The following RP1 variants were observed in gnomAD, a reference collection of about 807,000 sequenced individuals.
RP1 encodes the protein oxygen-regulated protein 1.
A neutral mutation model predicts 14.8 loss-of-function variants in RP1; 16 were observed. The observed-to-expected ratio is 1.08, with a 90% confidence interval of 0.73 to 1.65. The LOEUF is 1.65. Ranked by LOEUF, RP1 falls within the 40% of genes most tolerant of loss-of-function variation. The pLI, the probability that RP1 is intolerant of heterozygous loss-of-function variation, is 0.00. For synonymous variants in RP1, 876 were observed against 883.6 expected, an observed-to-expected ratio of 0.99 and a Z score of 0.15; for missense variants, 2,631 against 2,535.0, an observed-to-expected ratio of 1.04 and a Z score of -0.81.
intron 3 of RP1, among the ~76,000 whole-genome samples, chr8:54,638,171 CT>C (rs1176737943): frequency 6.6e-6 from 1 of 152,100 alleles, no homozygotes; most frequent in Admixed American, 6.6e-5. Context: ...CATGGGAGTT[CT>C]TTTTTGATTC....
At chr8:54,781,739 A>AT (rs1212696438) in intron 23 of RP1, among the ~76,000 whole-genome samples, 3 of 152,140 alleles carry the variant, frequency 2.0e-5, no homozygotes, top group South Asian at 2.1e-4. Context: ...TATAAAATTT[A>AT]TTTTTTTTCC....
chr8:54,759,519 C>T (rs1330396771), intron 22 of RP1, among the ~76,000 whole-genome samples: 2 of 152,144 alleles, frequency 1.3e-5, no homozygotes. Flanking sequence ...GTTGGACTTT[C>T]CTTGAGCCCC....
chr8:54,716,821 C>G (rs1808416291), intron 15 of RP1, among the ~76,000 whole-genome samples: 1 of 152,134 alleles, frequency 6.6e-6, no homozygotes, highest in Non-Finnish European at 1.5e-5. Flanking sequence ...TCTGGATGTC[C>G]CCATGTTGCT....
intron 6 of RP1, among the ~76,000 whole-genome samples, chr8:54,659,950 T>C (rs981207196): frequency 2.6e-5 from 4 of 152,150 alleles, no homozygotes; most frequent in Admixed American, 1.3e-4. Flanking sequence ...GTATTAAGTA[T>C]AGTATTTTAT....
At chr8:54,719,159 C>T (rs940366980) in intron 15 of RP1, among the ~76,000 whole-genome samples, 1 of 152,048 alleles carries the variant, frequency 6.6e-6, no homozygotes, top group African/African-American at 2.4e-5. Flanking sequence ...GCCTATGGCC[C>T]CTCTGTCTTA....
At chr8:54,573,907 G>A (rs566462240) in intron 1 of RP1, among the ~76,000 whole-genome samples, 1 of 152,292 alleles carries the variant, frequency 6.6e-6, no homozygotes, top group African/African-American at 2.4e-5. Flanking sequence ...CTAAACTCAG[G>A]AATCAAGAGG....
chr8:54,696,851 A>G (rs1807877811), intron 12 of RP1: 1 of 754,256 alleles, frequency 1.3e-6, no homozygotes, highest in African/African-American at 1.7e-5. Context: ...CCAGTAACTC[A>G]TTTTGAAATG....
intron 26 of RP1, among the ~76,000 whole-genome samples, chr8:54,855,359 C>T (rs1585750415): frequency 1.3e-5 from 2 of 152,176 alleles, no homozygotes; most frequent in African/African-American, 4.8e-5. Flanking sequence ...TTTTGTTTAT[C>T]CATTTACCCC....
rs150444249 is a variant in RP1 at position 54,659,953 on chromosome 8, T to G, written c.1171+3738T>G. On this transcript the variant is annotated intron_variant, in intron 6 of 22. Coordinates refer to the RP1 transcript ENST00000636932. ...TGCCTTGGTTTAGTATTAAGTATAG[T>G]ATTTTATTGTTTTTGGTGCTATTGT... 2.6e-3 allele frequency among the ~76,000 whole-genome samples: 394 copies of G among 152,278 alleles called. 1 individual carries two copies. The highest frequency in any genetic ancestry group is 8.9e-3 in the African/African-American group (371 of 41,570).
At chr8:54,607,816 G>T (rs1387057011) in intron 1 of RP1, among the ~76,000 whole-genome samples, 1 of 152,182 alleles carries the variant, frequency 6.6e-6, no homozygotes, top group African/African-American at 2.4e-5. Flanking sequence ...AATGAGCGAG[G>T]CTCTGTGGGC....
chr8:54,780,457 C>A (rs1181083741), intron 23 of RP1, among the ~76,000 whole-genome samples: 2 of 152,192 alleles, frequency 1.3e-5, no homozygotes, highest in African/African-American at 4.8e-5. Flanking sequence ...GGACGCAATA[C>A]CTGTAAGTCA....
At position 54,580,258 on chromosome 8, in the gene RP1, T is replaced by G. The variant is rs16920562; in HGVS notation, c.-13+20938T>G. Among the ~76,000 whole-genome samples, 928 of 149,706 alleles carry G rather than the reference T, an allele frequency of 6.2e-3. 10 individuals carry two copies. Among genetic ancestry groups the G allele is most frequent in the East Asian group, 0.037 (188 of 5,140 alleles). On this transcript the variant is annotated intron_variant, in intron 1 of 22. Transcript: ENST00000636932. ...TGGTAGCATTTATTATGTCTTTCAA[T>G]GAACTTTCCAGACAGTGGGAAGCTA... is the stretch of plus-strand genomic sequence containing the variant.
intron 22 of RP1, among the ~76,000 whole-genome samples, chr8:54,768,982 T>C (rs897047150): frequency 4.0e-5 from 6 of 151,726 alleles, no homozygotes; most frequent in African/African-American, 1.2e-4. Flanking sequence ...CTGCAAGCTC[T>C]GCCTCCCAGG....
At chr8:54,788,919 C>T (rs1810393779) in intron 24 of RP1, among the ~76,000 whole-genome samples, 1 of 152,130 alleles carries the variant, frequency 6.6e-6, no homozygotes, top group African/African-American at 2.4e-5. Context: ...GAGAAAAAGT[C>T]TCATTAAAAG....
At chr8:54,727,920 T>C (rs894546405) in intron 17 of RP1, among the ~76,000 whole-genome samples, 1 of 151,788 alleles carries the variant, frequency 6.6e-6, no homozygotes. Flanking sequence ...TTCTTCATTG[T>C]GGTTAATGGC....
intron 24 of RP1, among the ~76,000 whole-genome samples, chr8:54,829,083 G>T (rs1811459579): frequency 6.6e-6 from 1 of 151,642 alleles, no homozygotes; most frequent in Non-Finnish European, 1.5e-5. Context: ...AGTAGAGACG[G>T]GGTTTTGCCA....
intron 5 of RP1, among the ~76,000 whole-genome samples, chr8:54,653,107 G>A (rs1806689318): frequency 6.6e-6 from 1 of 152,102 alleles, no homozygotes; most frequent in Non-Finnish European, 1.5e-5. Flanking sequence ...TGGGACTCTG[G>A]ATAAACTCAT....
At chr8:54,861,227 G>A (rs1324412172) in intron 27 of RP1, among the ~76,000 whole-genome samples, 1 of 152,108 alleles carries the variant, frequency 6.6e-6, no homozygotes, top group East Asian at 1.9e-4. Context: ...ACCAGTACTG[G>A]TGGTTCTACC....
intron 6 of RP1, among the ~76,000 whole-genome samples, chr8:54,657,760 C>T (rs1380072424): frequency 1.3e-5 from 2 of 151,952 alleles, no homozygotes; most frequent in East Asian, 3.9e-4. Flanking sequence ...AAGTGTTTGC[C>T]CAGTTTACCA....
Sources: gnomAD v4.1 joint callset for allele counts (sites outside exome capture counted in the v4.1 genomes callset) on GRCh38, gnomAD v4.1.1 for gene constraint, MANE v1.5 for transcripts, NCBI Gene and HGNC (gene_info 2026-07-23, HGNC 2026-07-21) for gene names.